The following THSD4 variants were observed in gnomAD, a reference collection of about 807,000 sequenced individuals.
THSD4 encodes thrombospondin type-1 domain-containing protein 4.
In THSD4, 69 loss-of-function variants were observed where a neutral mutation model predicts 119.0. The observed-to-expected ratio is 0.58, with a 90% confidence interval of 0.48 to 0.71. THSD4 has a LOEUF of 0.71. Ranked by LOEUF, THSD4 falls within the 30% of genes least tolerant of loss-of-function variation. The pLI is 0.00. For missense variants in THSD4, 1,393 were observed against 1,391.1 expected (o/e 1.00, Z -0.02); for synonymous variants, 524 against 540.4 (o/e 0.97, Z 0.42).
At chr15:71,207,334 C>G (rs1596269124) in intron 3 of THSD4, among the ~76,000 whole-genome samples, 1 of 152,220 alleles carries the variant, frequency 6.6e-6, no homozygotes. Context: ...TGGTCAATTA[C>G]TGCCGCTAAA....
At chr15:71,622,189 A>G (rs958333794) in intron 7 of THSD4, among the ~76,000 whole-genome samples, 1 of 152,224 alleles carries the variant, frequency 6.6e-6, no homozygotes, top group African/African-American at 2.4e-5. Context: ...CACATGTGCC[A>G]TGAATTTGTT....
chr15:71,632,885 G>A (rs2050659667), intron 7 of THSD4, among the ~76,000 whole-genome samples: 1 of 152,186 alleles, frequency 6.6e-6, no homozygotes, highest in Non-Finnish European at 1.5e-5. Context: ...GTGAGTGAGA[G>A]GAAGTTGAAA....
chr15:71,577,666 T>C (rs2049475694), intron 7 of THSD4, among the ~76,000 whole-genome samples: 1 of 144,884 alleles, frequency 6.9e-6, no homozygotes, highest in Non-Finnish European at 1.5e-5. Flanking sequence ...GGGTCTGTCT[T>C]GGCATTTATG....
chr15:71,214,651 T>C (rs1479560124), intron 3 of THSD4, among the ~76,000 whole-genome samples: 2 of 152,186 alleles, frequency 1.3e-5, no homozygotes, highest in Admixed American at 1.3e-4. Context: ...AACCACAGTG[T>C]CCATCCAGTT....
chr15:71,324,239 G>A (rs921248256), intron 6 of THSD4, among the ~76,000 whole-genome samples: 8 of 151,422 alleles, frequency 5.3e-5, no homozygotes, highest in East Asian at 1.9e-4. Flanking sequence ...CTTTGACAAC[G>A]CATGCACGAT....
At chr15:71,661,447 G>C (rs2051305838) in intron 8 of THSD4, among the ~76,000 whole-genome samples, 1 of 150,510 alleles carries the variant, frequency 6.6e-6, no homozygotes, top group South Asian at 2.1e-4. Context: ...CCAGGTTCGA[G>C]TGCAGTGGTG....
At chr15:71,232,923 CTGACAGATGGGGA>C (rs1320767653) in intron 4 of THSD4, among the ~76,000 whole-genome samples, 1 of 152,122 alleles carries the variant, frequency 6.6e-6, no homozygotes, top group Non-Finnish European at 1.5e-5. Context: ...ACTTGGGTAC[CTGACAGATGGGGA>C]TGCTCTTAGC....
chr15:71,646,775 A>G (rs1595824010), intron 7 of THSD4, among the ~76,000 whole-genome samples: 1 of 152,220 alleles, frequency 6.6e-6, no homozygotes, highest in Non-Finnish European at 1.5e-5. Flanking sequence ...GATCATTGTC[A>G]AAATCCCTAC....
intron 3 of THSD4, among the ~76,000 whole-genome samples, chr15:71,181,064 CTCT>C (rs1204794883): frequency 6.6e-6 from 1 of 152,138 alleles, no homozygotes; most frequent in African/African-American, 2.4e-5. Context: ...AACAAAGATG[CTCT>C]TTAAAGAATA....
intron 6 of THSD4, among the ~76,000 whole-genome samples, chr15:71,282,230 G>T (rs1244959273): frequency 6.6e-6 from 1 of 151,936 alleles, no homozygotes; most frequent in Non-Finnish European, 1.5e-5. Flanking sequence ...GTGGACTATT[G>T]CGCATTTTCC....
chr15:71,199,579 T>C (rs2043757025), intron 3 of THSD4, among the ~76,000 whole-genome samples: 1 of 137,706 alleles, frequency 7.3e-6, no homozygotes, highest in African/African-American at 3.0e-5. Context: ...GTGTAGTGTG[T>C]GTGTGTGGGT....
At position 71,497,528 on chromosome 15, in the gene THSD4, G is replaced by A. The variant is rs534962438; in HGVS notation, c.1152+85705G>A. 2.9e-3 allele frequency among the ~76,000 whole-genome samples: 430 copies of A among 146,064 alleles called. 2 individuals carry two copies. The highest frequency in any genetic ancestry group is 5.0e-3 in the Non-Finnish European group (328 of 65,400). On this transcript the variant is annotated intron_variant, in intron 7 of 17. Transcript: ENST00000261862. Reference sequence around the variant, plus strand: ...ACTCCATCTCAAAAACAAAAAAAAAGGCATATATGTGAGTGAAATAATATA... The same window carrying A: ...ACTCCATCTCAAAAACAAAAAAAAAAGCATATATGTGAGTGAAATAATATA...
intron 3 of THSD4, among the ~76,000 whole-genome samples, chr15:71,197,453 T>C (rs992674195): frequency 1.3e-5 from 2 of 152,224 alleles, no homozygotes; most frequent in African/African-American, 2.4e-5. Flanking sequence ...CTAGAACTCA[T>C]GCCTTAAATG....
rs185759847 is a variant in THSD4 at position 71,213,315 on chromosome 15, C to T, written c.100-1720C>T. On this transcript the variant is annotated intron_variant, in intron 3 of 17. Coordinates refer to ENST00000261862, the MANE Select transcript of THSD4 (RefSeq NM_024817.3). ...GGCACTTGTCATTGGATTTAGGGTC[C>T]ACCTGGCTTACCTAGGATGATCTCT... 9.5e-4 allele frequency among the ~76,000 whole-genome samples: 144 copies of T among 152,292 alleles called. 1 individual carries two copies. The Middle Eastern group carries it at 0.01, about 11-fold the overall frequency.
chr15:71,690,513 A>G (rs2052024682), intron 8 of THSD4, among the ~76,000 whole-genome samples: 1 of 152,246 alleles, frequency 6.6e-6, no homozygotes, highest in African/African-American at 2.4e-5. Context: ...GGTAGACAGA[A>G]TAATGGCCCC....
At chr15:71,619,927 C>T (rs1354557462) in intron 7 of THSD4, among the ~76,000 whole-genome samples, 5 of 152,216 alleles carry the variant, frequency 3.3e-5, no homozygotes, top group African/African-American at 1.2e-4. Context: ...ATATATTCGA[C>T]ATATTCTCCA....
chr15:71,689,935 C>G (rs944918338), intron 8 of THSD4, among the ~76,000 whole-genome samples: 1 of 152,196 alleles, frequency 6.6e-6, no homozygotes, highest in African/African-American at 2.4e-5. Context: ...CTCTTCAACC[C>G]TGAACAGGTC....
At position 71,154,866 on chromosome 15, in the gene THSD4, C is replaced by T. The variant is rs752038539; in HGVS notation, c.33C>T (p.Val11=). 1 of 1,614,174 alleles carries T rather than the reference C, an allele frequency of 6.2e-7. No individual in the cohort carries two copies. Among genetic ancestry groups the T allele is most frequent in the Non-Finnish European group, 8.5e-7 (1 of 1,180,030 alleles). Residue 11 remains valine (V), a synonymous_variant, in exon 3 of 18, where the codon GTC becomes GTT. Transcript: ENST00000261862. The part of the protein sequence containing the change: MVSHFMGSLS[V]LCFLLLLGFQ... ...TGTTGCTATTTTCCCTTTTCAGTGT[C>T]CTGTGTTTCCTTCTGCTGCTTGGAT...
chr15:71,740,884 A>C (rs1410512418), intron 11 of THSD4, among the ~76,000 whole-genome samples: 6 of 151,744 alleles, frequency 4.0e-5, no homozygotes, highest in Admixed American at 1.3e-4. Context: ...ACAGGTAGGC[A>C]TTTCATCCTT....
Sources: gnomAD v4.1 joint callset for allele counts (sites outside exome capture counted in the v4.1 genomes callset) on GRCh38, gnomAD v4.1.1 for gene constraint, MANE v1.5 for transcripts, NCBI Gene and HGNC (gene_info 2026-07-23, HGNC 2026-07-21) for gene names.